The following TBC1D1 variants were observed in gnomAD, a reference collection of about 807,000 sequenced individuals.
TBC1D1 encodes the protein TBC1 domain family member 1.
A neutral mutation model predicts 125.6 loss-of-function variants in TBC1D1; 89 were observed. That is an observed-to-expected ratio of 0.71 (90% CI 0.60 to 0.85). The LOEUF (loss-of-function observed/expected upper bound fraction) is 0.85. Ranked by LOEUF, TBC1D1 falls within the 40% of genes least tolerant of loss-of-function variation. The pLI, the probability that TBC1D1 is intolerant of heterozygous loss-of-function variation, is 0.00. For missense variants in TBC1D1, 1,377 were observed against 1,469.2 expected (o/e 0.94, Z 1.03); for synonymous variants, 565 against 564.1 (o/e 1.00, Z -0.02).
chr4:38,004,002 C>T (rs1739583928), intron 2 of TBC1D1, among the ~76,000 whole-genome samples: 1 of 152,194 alleles, frequency 6.6e-6, no homozygotes, highest in South Asian at 2.1e-4. Context: ...CAAAATGACC[C>T]TCCAAGGTAG....
At chr4:38,115,640 T>C in intron 15 of TBC1D1, 70 bp from the exon 18 acceptor site, 5 of 1,523,338 alleles carry the variant, frequency 3.3e-6, no homozygotes, top group Non-Finnish European at 4.4e-6. Flanking sequence ...TGAAGCACAT[T>C]GGATTTCTGG....
At chr4:38,054,464 C>G in intron 12 of TBC1D1, 126 bp downstream of exon 14, 2 of 1,221,916 alleles carry the variant, frequency 1.6e-6, no homozygotes, top group Admixed American at 2.3e-5. Flanking sequence ...GAGGCAATCA[C>G]AAAGGTAACT....
At chr4:38,034,904 G>GA (rs141004612) in intron 7 of TBC1D1, among the ~76,000 whole-genome samples, 3,866 of 152,268 alleles carry the variant, frequency 0.025, 76 homozygotes, top group South Asian at 0.074. Context: ...GGAGACCATA[G>GA]AGTTTCCTCT....
chr4:38,007,895 G>A (rs1740669876), intron 2 of TBC1D1, among the ~76,000 whole-genome samples: 1 of 152,230 alleles, frequency 6.6e-6, no homozygotes, highest in South Asian at 2.1e-4. Context: ...CCTGGGATGT[G>A]ACAAAGGACA....
At chr4:38,106,984 C>G (rs968601036) in intron 15 of TBC1D1, among the ~76,000 whole-genome samples, 7 of 151,376 alleles carry the variant, frequency 4.6e-5, no homozygotes, top group Non-Finnish European at 7.4e-5. Context: ...TCTGCTGCCC[C>G]CTTCTCTGAC....
chr4:38,027,966 T>TTGGGACAACACTG, intron 7 of TBC1D1, 87 bp downstream of exon 7: 1 of 995,842 alleles, frequency 1.0e-6, no homozygotes, highest in Non-Finnish European at 1.5e-6. Flanking sequence ...AGCAAACCAG[T>TTGGGACAACACTG]GTTGTCCCAA....
At chr4:37,941,924 A>G (rs868644530) in intron 2 of TBC1D1, among the ~76,000 whole-genome samples, 6 of 152,250 alleles carry the variant, frequency 3.9e-5, no homozygotes, top group South Asian at 2.1e-4. Context: ...TACATTTGCT[A>G]AGGAGTGCTT....
intron 2 of TBC1D1, among the ~76,000 whole-genome samples, chr4:37,929,529 T>C (rs1271368578): frequency 6.6e-6 from 1 of 152,216 alleles, no homozygotes; most frequent in Non-Finnish European, 1.5e-5. Context: ...TGCAGGTGGT[T>C]GTAGGACCAC....
chr4:37,956,406 G>A (rs1378634965), intron 2 of TBC1D1, among the ~76,000 whole-genome samples: 1 of 152,138 alleles, frequency 6.6e-6, no homozygotes, highest in Non-Finnish European at 1.5e-5. Flanking sequence ...GTTTCCCGAG[G>A]GCAGGGGTTT....
chr4:38,046,904 G>A (rs1221415169), intron 10 of TBC1D1, among the ~76,000 whole-genome samples: 2 of 152,132 alleles, frequency 1.3e-5, no homozygotes, highest in African/African-American at 4.8e-5. Flanking sequence ...GAGGGAGGGA[G>A]TGTTTGTGGA....
chr4:37,894,106 A>G (rs994927532), intron 1 of TBC1D1, among the ~76,000 whole-genome samples: 1 of 150,992 alleles, frequency 6.6e-6, no homozygotes, highest in African/African-American at 2.4e-5. Flanking sequence ...CTCCTGCCTC[A>G]GCCTCCCAAG....
At chr4:37,931,335 T>C (rs1257855850) in intron 2 of TBC1D1, among the ~76,000 whole-genome samples, 1 of 152,014 alleles carries the variant, frequency 6.6e-6, no homozygotes, top group Non-Finnish European at 1.5e-5. Context: ...GACCTCAAGC[T>C]ATCCACCTGC....
intron 2 of TBC1D1, among the ~76,000 whole-genome samples, chr4:37,983,194 C>G (rs1011606487): frequency 2.7e-5 from 4 of 148,092 alleles, no homozygotes; most frequent in African/African-American, 1.0e-4. Flanking sequence ...GCGATCTCGG[C>G]TCCCTCCACC....
chr4:37,895,636 G>A (rs571028109), intron 1 of TBC1D1, among the ~76,000 whole-genome samples: 1 of 152,230 alleles, frequency 6.6e-6, no homozygotes, highest in Admixed American at 6.5e-5. Context: ...CCCAGGGGGC[G>A]GAGGATGCAG....
At chr4:38,063,761 T>C (rs1753188103) in intron 12 of TBC1D1, among the ~76,000 whole-genome samples, 1 of 152,126 alleles carries the variant, frequency 6.6e-6, no homozygotes, top group Non-Finnish European at 1.5e-5. Flanking sequence ...CCTGAGTAGC[T>C]GGGATTACAG....
intron 2 of TBC1D1, among the ~76,000 whole-genome samples, chr4:37,962,884 G>GC (rs1162582053): frequency 6.6e-6 from 1 of 152,168 alleles, no homozygotes; most frequent in Non-Finnish European, 1.5e-5. Flanking sequence ...TGATCAGCTG[G>GC]CCTTTGATTT....
At chr4:38,118,285 C>A in intron 17 of TBC1D1, 93 bp downstream of exon 19, 1 of 1,429,420 alleles carries the variant, frequency 7.0e-7, no homozygotes, top group Non-Finnish European at 9.7e-7. Flanking sequence ...TATTTTTATA[C>A]CTGTAGCTCT....
intron 11 of TBC1D1, among the ~76,000 whole-genome samples, chr4:38,052,726 GCGCACACA>G (rs1366276970): frequency 1.4e-3 from 100 of 69,000 alleles, no homozygotes; most frequent in African/African-American, 5.6e-3. Flanking sequence ...GCGCGCGCGC[GCGCACACA>G]CACACACACA....
At chr4:38,125,462 T>C (rs751279544) in intron 18 of TBC1D1, among the ~76,000 whole-genome samples, 1 of 152,248 alleles carries the variant, frequency 6.6e-6, no homozygotes, top group Non-Finnish European at 1.5e-5. Context: ...AATGATGCAA[T>C]GTAGGGTTTT....
Sources: gnomAD v4.1 joint callset for allele counts (sites outside exome capture counted in the v4.1 genomes callset) on GRCh38, gnomAD v4.1.1 for gene constraint, MANE v1.5 for transcripts, NCBI Gene and HGNC (gene_info 2026-07-23, HGNC 2026-07-21) for gene names.